Variants in RAB3C observed in about 807,000 individuals in gnomAD.
RAB3C encodes the protein RAB3C, member RAS oncogene family, also known as ras-related protein Rab-3C.
A neutral mutation model predicts 26.4 loss-of-function variants in RAB3C; 17 were observed. The observed-to-expected ratio is 0.64, with a 90% CI of 0.44 to 0.97. RAB3C has a LOEUF of 0.97. Among genes scored for constraint, RAB3C ranks in the 50% least tolerant of loss-of-function variants. The probability of loss-of-function intolerance (pLI) is 0.00; values close to 1 mark genes in which losing one functional copy is unlikely to be tolerated. For synonymous variants in RAB3C, 91 were observed against 95.9 expected (o/e 0.95, Z 0.30); for missense variants, 242 against 281.9 (o/e 0.86, Z 1.01).
At chr5:58,798,560 G>T (rs948471185) in intron 3 of RAB3C, among the ~76,000 whole-genome samples, 1 of 152,160 alleles carries the variant, frequency 6.6e-6, no homozygotes, top group Non-Finnish European at 1.5e-5. Context: ...GACCTCATTT[G>T]ATTGGTCATA....
Position 58,821,195 on chromosome 5 carries a change from C to A in RAB3C, c.372-3843C>A, listed in dbSNP as rs1579937257. On this transcript the variant is annotated intron_variant, in intron 3 of 4. Transcript: ENST00000282878. ...GGTCCTTCCTTACACAACTGTGACACTCTCTGGTGAACCCCTTGTCACTAA... is the reference window on the plus strand; with the variant it reads ...GGTCCTTCCTTACACAACTGTGACAATCTCTGGTGAACCCCTTGTCACTAA... Among the ~76,000 whole-genome samples, 3 of 152,308 alleles carry A rather than the reference C, an allele frequency of 2.0e-5. 1 individual carries two copies. In the South Asian group the frequency reaches 6.2e-4, roughly 32 times the overall value.
chr5:58,820,852 G>A (rs1343157310), intron 3 of RAB3C, among the ~76,000 whole-genome samples: 1 of 152,080 alleles, frequency 6.6e-6, no homozygotes, highest in African/African-American at 2.4e-5. Context: ...AGGGAATGTT[G>A]TATGTGCATA....
chr5:58,806,836 A>T (rs1742951331), intron 3 of RAB3C, among the ~76,000 whole-genome samples: 1 of 152,186 alleles, frequency 6.6e-6, no homozygotes, highest in African/African-American at 2.4e-5. Context: ...GCCAAAATCA[A>T]TACTGGTACC....
At chr5:58,795,173 C>A (rs975417881) in intron 3 of RAB3C, among the ~76,000 whole-genome samples, 5 of 152,186 alleles carry the variant, frequency 3.3e-5, no homozygotes, top group Non-Finnish European at 7.3e-5. Context: ...TTGCCTGTCA[C>A]CATGTAAGAT....
intron 3 of RAB3C, among the ~76,000 whole-genome samples, chr5:58,824,600 G>C: frequency 6.6e-6 from 1 of 152,010 alleles, no homozygotes; most frequent in East Asian, 1.9e-4. Flanking sequence ...TATTGTTTTC[G>C]TGTGATGTGC....
chr5:58,796,609 C>T (rs960638131), intron 3 of RAB3C, among the ~76,000 whole-genome samples: 1 of 152,038 alleles, frequency 6.6e-6, no homozygotes, highest in South Asian at 2.1e-4. Flanking sequence ...AATGGGATGG[C>T]GAGGCACCTG....
intron 3 of RAB3C, chr5:58,741,523 G>C (rs1375284540): frequency 6.6e-6 from 1 of 151,982 alleles, no homozygotes; most frequent in Non-Finnish European, 1.5e-5. Context: ...CAATCACTTG[G>C]GAAACTCCAT....
In RAB3C at chr5:58,663,876, T is replaced by C. The variant is rs149551030; in HGVS notation, c.252+46006T>C. Among the ~76,000 whole-genome samples, 494 of 152,338 alleles carry C rather than the reference T, an allele frequency of 3.2e-3. 1 individual carries two copies. The highest frequency in any genetic ancestry group is 0.011 in the African/African-American group (473 of 41,586). On this transcript the variant is annotated intron_variant, in intron 2 of 4. Transcript: ENST00000282878. Reference sequence around the variant, plus strand: ...AGTATGGCCATCCTGAAAAACCCTTTGGCACTTTCTTATAAAACTAAGCAA... The same window carrying C: ...AGTATGGCCATCCTGAAAAACCCTTCGGCACTTTCTTATAAAACTAAGCAA...
In RAB3C at chr5:58,644,085, T is replaced by C. The variant is rs1371360620; in HGVS notation, c.252+26215T>C. Among the ~76,000 whole-genome samples the C allele has an allele frequency of 2.6e-5, 4 of 152,192 alleles. No individual in the cohort carries two copies. The East Asian group carries it at 7.7e-4, about 29-fold the overall frequency. On this transcript the variant is annotated intron_variant, in intron 2 of 4. Transcript: ENST00000282878. ...ATCCACCTGCCTCAGCCTCCCAAAG[T>C]GCTGAATTACAGGCGTGAACCACTG...
At chr5:58,794,573 G>A (rs1407190846) in intron 3 of RAB3C, 3 of 151,646 alleles carry the variant, frequency 2.0e-5, no homozygotes, top group Middle Eastern at 6.8e-3. Context: ...AATGCCAGTC[G>A]GTGTGAATAT....
rs543052753 is a variant in RAB3C at position 58,663,769 on chromosome 5, A to AAAAC, written c.252+45907_252+45910dup. Among the ~76,000 whole-genome samples, 30 of 152,264 alleles carry AAAAC rather than the reference A, an allele frequency of 2.0e-4. No individual in the cohort carries two copies. In the South Asian group the frequency reaches 5.0e-3, roughly 25 times the overall value. ...AGTAGAAAACAAAAATTAAAAAATG[A>AAAAC]AAACAAACAAAAAACGGCAAAAAGC... On this transcript the variant is annotated intron_variant, in intron 2 of 4. Transcript: ENST00000282878.
intron 2 of RAB3C, among the ~76,000 whole-genome samples, chr5:58,646,506 G>A (rs961318513): frequency 5.3e-5 from 8 of 152,062 alleles, no homozygotes; most frequent in African/African-American, 1.7e-4. Flanking sequence ...GTAACCCACC[G>A]AGCAAAGTAC....
Position 58,583,168 on chromosome 5 carries a change from C to A in RAB3C, c.-41C>A. 1.2e-6 allele frequency: 2 copies of A among 1,614,028 alleles called. No individual in the cohort carries two copies. Among genetic ancestry groups the A allele is most frequent in the Non-Finnish European group, 1.7e-6 (2 of 1,180,010 alleles). ...GTGCACGCTTGACCGGAAGCCCAGA[C>A]CAGTGCGGTCCTAGCCAGAGAGAAA... On this transcript the variant is annotated 5_prime_UTR_variant, in exon 1 of 5. Transcript: ENST00000282878.
chr5:58,822,892 T>C (rs1561142449), intron 3 of RAB3C: 6 of 638,256 alleles, frequency 9.4e-6, no homozygotes, highest in Non-Finnish European at 1.8e-5. Context: ...TGACTGGAGA[T>C]TAATGTGATG....
intron 3 of RAB3C, among the ~76,000 whole-genome samples, chr5:58,759,829 T>A (rs1002103724): frequency 6.6e-6 from 1 of 152,230 alleles, no homozygotes; most frequent in African/African-American, 2.4e-5. Context: ...TTTAGCATCA[T>A]GGGTATTGAT....
chr5:58,694,037 C>T (rs1482566962), intron 2 of RAB3C, among the ~76,000 whole-genome samples: 2 of 152,118 alleles, frequency 1.3e-5, no homozygotes, highest in African/African-American at 2.4e-5. Context: ...CACCCATTAA[C>T]TCATTATTGA....
chr5:58,660,509 C>A lies in RAB3C; in HGVS notation c.252+42639C>A, dbSNP rs1579843613. 2.7e-5 allele frequency among the ~76,000 whole-genome samples: 4 copies of A among 150,304 alleles called. No individual in the cohort carries two copies. In the South Asian group the frequency reaches 8.3e-4, roughly 31 times the overall value. On this transcript the variant is annotated intron_variant, in intron 2 of 4. Coordinates refer to ENST00000282878, the MANE Select transcript of RAB3C (RefSeq NM_138453.4). ...GGAGGGATATATCTCATATATTTTC[C>A]ATACCATATTGTATTTTTTAAGAAC...
chr5:58,775,062 G>C (rs940846210), intron 3 of RAB3C, among the ~76,000 whole-genome samples: 5 of 152,096 alleles, frequency 3.3e-5, no homozygotes, highest in African/African-American at 1.2e-4. Context: ...TGAGTAGAGT[G>C]GGGTGGAGGA....
intron 3 of RAB3C, among the ~76,000 whole-genome samples, chr5:58,777,594 G>GT (rs779951394): frequency 0.022 from 2,893 of 130,060 alleles, 56 homozygotes; most frequent in African/African-American, 0.053. Flanking sequence ...GAAAGACCAT[G>GT]TTTTTTTTTT....
Sources: allele counts gnomAD v4.1 joint callset (sites outside exome capture counted in the v4.1 genomes callset), GRCh38; gene constraint gnomAD v4.1.1; transcripts MANE v1.5; gene names NCBI Gene and HGNC (gene_info 2026-07-23, HGNC 2026-07-21).